FRMD4A: variants seen among roughly 807,000 people sequenced by gnomAD.
FRMD4A encodes FERM domain containing 4A.
FRMD4A carries 29 observed loss-of-function variants against 129.1 expected under a neutral mutation model. That is an observed-to-expected ratio of 0.22 (90% CI 0.17 to 0.31). The LOEUF is 0.31. Among genes scored for constraint, FRMD4A ranks in the 10% least tolerant of loss-of-function variants. The pLI, the probability that FRMD4A is intolerant of heterozygous loss-of-function variation, is 1.00. For synonymous variants in FRMD4A, 634 were observed against 571.6 expected (o/e 1.11, Z -1.56); for missense variants, 1,272 against 1,375.8 (o/e 0.92, Z 1.19).
chr10:13,804,848 G>A (rs981734947), intron 4 of FRMD4A, among the ~76,000 whole-genome samples: 2 of 151,274 alleles, frequency 1.3e-5, no homozygotes, highest in Admixed American at 6.6e-5. Context: ...GTGAACCACC[G>A]TGCTCAGCCA....
intron 2 of FRMD4A, among the ~76,000 whole-genome samples, chr10:14,261,197 G>A (rs145881083): frequency 7.9e-5 from 12 of 152,282 alleles, no homozygotes; most frequent in Non-Finnish European, 1.2e-4. Context: ...GAGTGGCTGC[G>A]TGGAACCATG....
At position 13,663,444 on chromosome 10, in the gene FRMD4A, TA is replaced by T; in HGVS notation, c.1660+8del. 2 of 1,408,180 alleles carry T rather than the reference TA, an allele frequency of 1.4e-6. No individual in the cohort carries two copies. The highest frequency in any genetic ancestry group is 2.0e-6 in the Non-Finnish European group (2 of 991,606). The allele number at this position is 1,408,180 out of a possible 1,614,324, so 87.2% of individuals were successfully genotyped here. ...TGTAGGTTTGTAAGCAGGAAATGCA[TA>T]AACCTACCATCCTCAAGAACAAGGG... On this transcript the variant is annotated splice_region_variant and intron_variant, in intron 19 of 24. Transcript: ENST00000357447.
chr10:13,923,277 G>A (rs1028394489), intron 2 of FRMD4A, among the ~76,000 whole-genome samples: 6 of 152,180 alleles, frequency 3.9e-5, no homozygotes, highest in African/African-American at 1.4e-4. Context: ...CAGTGTATAT[G>A]TAAATAAACA....
chr10:13,803,047 G>C (rs1181927509), intron 4 of FRMD4A, among the ~76,000 whole-genome samples: 1 of 151,486 alleles, frequency 6.6e-6, no homozygotes, highest in Non-Finnish European at 1.5e-5. Context: ...TACTTAGGAG[G>C]CTGAGGCATG....
intron 2 of FRMD4A, among the ~76,000 whole-genome samples, chr10:14,045,868 ATAT>A (rs1168997301): frequency 6.8e-6 from 1 of 146,742 alleles, no homozygotes; most frequent in Non-Finnish European, 1.5e-5. Context: ...ATTATATATC[ATAT>A]TATATATGGT....
intron 2 of FRMD4A, among the ~76,000 whole-genome samples, chr10:14,011,087 A>C (rs1277950176): frequency 6.6e-6 from 1 of 152,234 alleles, no homozygotes; most frequent in Non-Finnish European, 1.5e-5. Context: ...AGCTAGGATG[A>C]AAACCAAAGT....
chr10:13,754,786 A>G (rs2091786128), intron 8 of FRMD4A, among the ~76,000 whole-genome samples: 1 of 152,126 alleles, frequency 6.6e-6, no homozygotes, highest in Admixed American at 6.6e-5. Flanking sequence ...TACATAAGTT[A>G]TGTTCCCAAT....
intron 2 of FRMD4A, among the ~76,000 whole-genome samples, chr10:14,295,730 T>C (rs913552123): frequency 6.6e-6 from 1 of 151,770 alleles, no homozygotes; most frequent in Admixed American, 6.6e-5. Flanking sequence ...AGAGGGGGAG[T>C]TGGCAGAAAT....
At chr10:14,004,244 GTTTATTAAAA>G (rs1272018847) in intron 2 of FRMD4A, among the ~76,000 whole-genome samples, 1 of 152,160 alleles carries the variant, frequency 6.6e-6, no homozygotes, top group Non-Finnish European at 1.5e-5. Flanking sequence ...ATTGTCATCT[GTTTATTAAAA>G]ATACAAGACT....
At chr10:13,679,480 C>CACACACACACACACACAA (rs1564591470) in intron 15 of FRMD4A, among the ~76,000 whole-genome samples, 1 of 72,420 alleles carries the variant, frequency 1.4e-5, no homozygotes, top group Non-Finnish European at 2.6e-5. Context: ...TATATACACA[C>CACACACACACACACACAA]ACACACACAC....
At chr10:14,042,941 A>G (rs1565206961) in intron 2 of FRMD4A, among the ~76,000 whole-genome samples, 3 of 151,380 alleles carry the variant, frequency 2.0e-5, no homozygotes, top group South Asian at 2.1e-4. Context: ...AAAAAAAAAA[A>G]AAAAAAAAGA....
intron 3 of FRMD4A, among the ~76,000 whole-genome samples, chr10:13,812,876 G>C (rs2093472880): frequency 6.6e-6 from 1 of 152,220 alleles, no homozygotes; most frequent in Non-Finnish European, 1.5e-5. Flanking sequence ...ATAACCAACA[G>C]GGAATTCAAG....
chr10:13,661,560 T>C (rs2082640779), intron 19 of FRMD4A, among the ~76,000 whole-genome samples: 1 of 152,152 alleles, frequency 6.6e-6, no homozygotes, highest in African/African-American at 2.4e-5. Flanking sequence ...AGTTGAGATT[T>C]TGAAAAGCCA....
chr10:14,016,127 T>A (rs549379567), intron 2 of FRMD4A, among the ~76,000 whole-genome samples: 1 of 152,256 alleles, frequency 6.6e-6, no homozygotes, highest in African/African-American at 2.4e-5. Context: ...GCCCTGAGTC[T>A]GCATGTGAAA....
At chr10:13,971,907 G>C in intron 2 of FRMD4A, 1 of 1,255,678 alleles carries the variant, frequency 8.0e-7, no homozygotes, top group Non-Finnish European at 1.0e-6. Context: ...AATCAGGCAA[G>C]GAAAAAATGC....
chr10:14,145,198 G>A (rs1840017073), intron 2 of FRMD4A, among the ~76,000 whole-genome samples: 1 of 152,188 alleles, frequency 6.6e-6, no homozygotes, highest in African/African-American at 2.4e-5. Flanking sequence ...GAATCGCTAA[G>A]TAAGCAAGAA....
chr10:14,294,726 C>T (rs1344710348), intron 2 of FRMD4A, among the ~76,000 whole-genome samples: 1 of 152,228 alleles, frequency 6.6e-6, no homozygotes, highest in African/African-American at 2.4e-5. Context: ...CCTAAATCCG[C>T]TCAGCAAGAT....
At chr10:14,219,709 G>A (rs1843185260) in intron 2 of FRMD4A, among the ~76,000 whole-genome samples, 1 of 152,152 alleles carries the variant, frequency 6.6e-6, no homozygotes, top group African/African-American at 2.4e-5. Flanking sequence ...TCAGAGAAGG[G>A]ACTGGGGAAC....
chr10:13,715,679 G>A (rs889498651), intron 12 of FRMD4A, among the ~76,000 whole-genome samples: 1 of 152,104 alleles, frequency 6.6e-6, no homozygotes, highest in Admixed American at 6.5e-5. Flanking sequence ...GCTGACATGG[G>A]TGGATCATCT....
Sources: allele counts gnomAD v4.1 joint callset (sites outside exome capture counted in the v4.1 genomes callset), GRCh38; gene constraint gnomAD v4.1.1; transcripts MANE v1.5; gene names NCBI Gene and HGNC (gene_info 2026-07-23, HGNC 2026-07-21).